NOTCH2: variants seen among roughly 807,000 people sequenced by gnomAD.
NOTCH2 encodes the protein neurogenic locus notch homolog protein 2.
In NOTCH2, 29 loss-of-function variants were observed where a neutral mutation model predicts 235.8. The ratio of observed to expected loss-of-function variants is 0.12; its 90% CI spans 0.09 to 0.17. NOTCH2 has a LOEUF of 0.17. Ranked by LOEUF, NOTCH2 falls within the 10% of genes least tolerant of loss-of-function variation. The pLI is 1.00. For synonymous variants in NOTCH2, 1,086 were observed against 1,141.5 expected, an observed-to-expected ratio of 0.95 and a Z score of 0.98; for missense variants, 2,285 against 3,150.2, an observed-to-expected ratio of 0.73 and a Z score of 6.57.
At chr1:119,958,328 C>A (rs17186372) in intron 12 of NOTCH2, among the ~76,000 whole-genome samples, 1 of 152,140 alleles carries the variant, frequency 6.6e-6, no homozygotes, top group Non-Finnish European at 1.5e-5. Context: ...GCAAACTTTC[C>A]TTTCTAATGT....
At chr1:120,048,581 T>C (rs587669626) in intron 1 of NOTCH2, among the ~76,000 whole-genome samples, 12 of 144,732 alleles carry the variant, frequency 8.3e-5, no homozygotes, top group African/African-American at 2.9e-4. Context: ...CCCAAGTAGC[T>C]GGGACCACAG....
chr1:119,916,487 C>T lies in NOTCH2; in HGVS notation c.6235G>A (p.Ala2079Thr), dbSNP rs759581817. The change falls in exon 34 of 34, where the codon GCT (alanine) becomes ACT (threonine). Residue 2079 changes from alanine to threonine, a missense_variant. Physicochemically the swap from Ala to Thr is moderately conservative, Grantham distance 58. This residue lies in a region of NOTCH2 where 504 missense variants were observed against 538.0 expected (regional missense o/e 0.94). Coordinates refer to ENST00000256646, the MANE Select transcript of NOTCH2 (RefSeq NM_024408.4). ...PSPPGTVLTSALSPVICGPNR... is the reference protein window; with the variant it reads ...PSPPGTVLTSTLSPVICGPNR... ...GGCCCACAGATGACAGGTGAGAGAG[C>T]AGAAGTCAACACGGTGCCTGGAGGG... 6.2e-7 allele frequency: 1 copy of T among 1,612,434 alleles called. No individual in the cohort carries two copies. The highest frequency in any genetic ancestry group is 8.5e-7 in the Non-Finnish European group (1 of 1,178,594).
At chr1:119,933,097 G>GTTT (rs1428782711) in intron 22 of NOTCH2, among the ~76,000 whole-genome samples, 103 of 152,336 alleles carry the variant, frequency 6.8e-4, no homozygotes, top group Non-Finnish European at 1.2e-3. Context: ...GGGATTGCTA[G>GTTT]TAAAATGAGC....
chr1:119,999,741 G>T (rs150788687), intron 3 of NOTCH2, among the ~76,000 whole-genome samples: 1,243 of 152,030 alleles, frequency 8.2e-3, no homozygotes, highest in African/African-American at 0.029. Flanking sequence ...AATTAGCCGG[G>T]CTTTATGGCG....
rs1651221523 is a variant in NOTCH2, at chr1:119,968,244, T to TG, written c.1109-13dup. The TG allele has an allele frequency of 1.2e-6, 2 of 1,613,142 alleles. No individual in the cohort carries two copies. Among genetic ancestry groups the TG allele is most frequent in the Admixed American group, 1.7e-5 (1 of 59,958 alleles). On this transcript the variant is annotated splice_polypyrimidine_tract_variant and intron_variant, in intron 6 of 33. Transcript: ENST00000256646. Reference sequence around the variant, plus strand: ...ATGACACAGGAGACCTGTCACAGGGTGGGGCAAAGGACAACTAAGAGAAAA... The same window carrying TG: ...ATGACACAGGAGACCTGTCACAGGGTGGGGGCAAAGGACAACTAAGAGAAAA...
chr1:119,958,494 C>A (rs781787858), intron 12 of NOTCH2, among the ~76,000 whole-genome samples: 1 of 152,190 alleles, frequency 6.6e-6, no homozygotes, highest in Non-Finnish European at 1.5e-5. Flanking sequence ...CGAGTACAAA[C>A]AACCACATGG....
At chr1:119,946,442 G>A (rs1367030111) in intron 17 of NOTCH2, among the ~76,000 whole-genome samples, 1 of 151,940 alleles carries the variant, frequency 6.6e-6, no homozygotes, top group Non-Finnish European at 1.5e-5. Context: ...ATACATAAAA[G>A]GAATAACACA....
At chr1:119,933,817 G>A (rs1553195447) in intron 22 of NOTCH2, among the ~76,000 whole-genome samples, 1 of 152,168 alleles carries the variant, frequency 6.6e-6, no homozygotes, top group African/African-American at 2.4e-5. Flanking sequence ...GAATACTCAT[G>A]TACTCTCCTA....
intron 21 of NOTCH2, 45 bp from the exon 22 acceptor site, chr1:119,935,649 T>C (rs781988148): frequency 5.0e-6 from 8 of 1,608,828 alleles, no homozygotes; most frequent in Non-Finnish European, 6.8e-6. Flanking sequence ...GGACCATTAC[T>C]GGAAACAGAC....
intron 10 of NOTCH2, among the ~76,000 whole-genome samples, chr1:119,964,367 A>C (rs1477002398): frequency 6.6e-6 from 1 of 152,190 alleles, no homozygotes; most frequent in Non-Finnish European, 1.5e-5. Flanking sequence ...CCTTTCTTCG[A>C]GGTGTAAATA....
chr1:120,039,051 C>G (rs1654435698), intron 1 of NOTCH2, among the ~76,000 whole-genome samples: 1 of 151,658 alleles, frequency 6.6e-6, no homozygotes, highest in Non-Finnish European at 1.5e-5. Flanking sequence ...TTATCTTCCC[C>G]ATGAGTAGGT....
At chr1:119,977,514 C>G (rs1302038910) in intron 5 of NOTCH2, among the ~76,000 whole-genome samples, 1 of 152,210 alleles carries the variant, frequency 6.6e-6, no homozygotes, top group East Asian at 1.9e-4. Context: ...TGCGGTAGAG[C>G]TCCTGCAGTC....
chr1:119,968,334 C>G (rs1302682052), intron 6 of NOTCH2, 102 bp from the exon 7 acceptor site: 1 of 1,216,608 alleles, frequency 8.2e-7, no homozygotes, highest in East Asian at 2.5e-5. Flanking sequence ...ATCAGTTCCT[C>G]AGAATCCAAC....
chr1:120,002,824 G>C (rs1652818590), intron 3 of NOTCH2, among the ~76,000 whole-genome samples: 1 of 145,546 alleles, frequency 6.9e-6, no homozygotes, highest in African/African-American at 2.7e-5. Context: ...GAGTGTTTCA[G>C]CTGGGGACTG....
At chr1:119,942,662 T>A (rs1393292219) in intron 17 of NOTCH2, among the ~76,000 whole-genome samples, 2 of 152,178 alleles carry the variant, frequency 1.3e-5, no homozygotes, top group African/African-American at 4.8e-5. Context: ...CATCCATAAT[T>A]TACTGAATTA....
In NOTCH2 at chr1:119,923,641, C is replaced by T. The variant is rs745445206; in HGVS notation, c.4855G>A (p.Ala1619Thr). The T allele has an allele frequency of 6.2e-7, 1 of 1,613,814 alleles. No individual in the cohort carries two copies. The highest frequency in any genetic ancestry group is 1.1e-5 in the South Asian group (1 of 91,070). Residue 1619 changes from alanine to threonine, a missense_variant, in exon 26 of 34, where the codon GCT becomes ACT. This residue lies in a region of NOTCH2 where 1,173 missense variants were observed against 1,515.3 expected (regional missense o/e 0.77). Coordinates refer to ENST00000256646, the MANE Select transcript of NOTCH2 (RefSeq NM_024408.4). ...SLPGEQEQEV[A>T]GSKVFLEIDN... ...GTTCAGAAACCAAACACCTACCCAG[C>T]CACCTCCTGTTCTTGTTCACCAGGA...
At chr1:119,949,312 G>A (rs1451726803) in intron 15 of NOTCH2, among the ~76,000 whole-genome samples, 186 bp from the exon 16 acceptor site, 1 of 150,734 alleles carries the variant, frequency 6.6e-6, no homozygotes, top group Non-Finnish European at 1.5e-5. Context: ...GGGCAAGATA[G>A]TTAGGGACCT....
intron 1 of NOTCH2, among the ~76,000 whole-genome samples, chr1:120,067,607 T>G (rs1440993244): frequency 1.3e-5 from 2 of 152,184 alleles, no homozygotes; most frequent in Admixed American, 1.3e-4. Context: ...GAAGATTAAG[T>G]TATTTACCAA....
chr1:119,934,978 C>T, intron 22 of NOTCH2: 1 of 461,712 alleles, frequency 2.2e-6, no homozygotes, highest in South Asian at 9.2e-5. Context: ...TCAGGCCTTA[C>T]TGCATCCTAA....
Sources: allele counts gnomAD v4.1 joint callset (sites outside exome capture counted in the v4.1 genomes callset), GRCh38; gene constraint gnomAD v4.1.1; regional missense constraint gnomAD v4.1.1; transcripts MANE v1.5; gene names NCBI Gene and HGNC (gene_info 2026-07-23, HGNC 2026-07-21).